The following ADARB2 variants were observed in gnomAD, a reference collection of about 807,000 sequenced individuals.
ADARB2 encodes the protein adenosine deaminase RNA specific B2 (inactive), also known as inactive double-stranded RNA-specific editase B2.
A neutral mutation model predicts 62.2 loss-of-function variants in ADARB2; 25 were observed. The ratio of observed to expected loss-of-function variants is 0.40; its 90% CI spans 0.29 to 0.56. The LOEUF (loss-of-function observed/expected upper bound fraction) is 0.56, where lower values mean the gene tolerates loss of function less well. Among genes scored for constraint, ADARB2 ranks in the 20% least tolerant of loss-of-function variants. ADARB2 has a pLI of 0.43. For synonymous variants in ADARB2, 572 were observed against 500.8 expected (o/e 1.14, Z -1.90); for missense variants, 1,071 against 1,077.4 (o/e 0.99, Z 0.08).
intron 3 of ADARB2, among the ~76,000 whole-genome samples, chr10:1,321,273 T>A (rs1332410293): frequency 6.6e-6 from 1 of 152,224 alleles, no homozygotes; most frequent in Non-Finnish European, 1.5e-5. Flanking sequence ...AAGCCCATGA[T>A]GTTGTCCTCA....
At chr10:1,266,125 T>C (rs1831197024) in intron 4 of ADARB2, among the ~76,000 whole-genome samples, 1 of 151,204 alleles carries the variant, frequency 6.6e-6, no homozygotes, top group Non-Finnish European at 1.5e-5. Context: ...CTGAGCCAGG[T>C]CCACGCTCTC....
At chr10:1,564,384 G>T (rs922653297) in intron 1 of ADARB2, among the ~76,000 whole-genome samples, 1 of 152,180 alleles carries the variant, frequency 6.6e-6, no homozygotes, top group African/African-American at 2.4e-5. Flanking sequence ...CAAAAGCAAT[G>T]GCAACAAAAG....
chr10:1,464,440 GTGCAC>G (rs1831222765), intron 1 of ADARB2, among the ~76,000 whole-genome samples: 3 of 115,476 alleles, frequency 2.6e-5, no homozygotes, highest in African/African-American at 9.6e-5. Context: ...ACAGCGGGCA[GTGCAC>G]CGGAGAAGAG....
chr10:1,270,240 C>T (rs1231231932), intron 4 of ADARB2, among the ~76,000 whole-genome samples: 10 of 152,132 alleles, frequency 6.6e-5, no homozygotes, highest in African/African-American at 1.9e-4. Flanking sequence ...GGTCTTTTTC[C>T]GCCTTAGATT....
At chr10:1,651,863 T>A (rs1271616859) in intron 1 of ADARB2, among the ~76,000 whole-genome samples, 1 of 152,044 alleles carries the variant, frequency 6.6e-6, no homozygotes, top group East Asian at 1.9e-4. Context: ...GACCCAGGGT[T>A]GGTTCCCAGT....
At chr10:1,617,206 G>C (rs111554205) in intron 1 of ADARB2, among the ~76,000 whole-genome samples, 125 of 124,770 alleles carry the variant, frequency 1.0e-3, no homozygotes, top group Middle Eastern at 6.1e-3. Flanking sequence ...TTGTGTGCCC[G>C]TCCAGACACA....
chr10:1,654,564 G>A (rs914410494), intron 1 of ADARB2, among the ~76,000 whole-genome samples: 2 of 152,208 alleles, frequency 1.3e-5, no homozygotes, highest in Non-Finnish European at 2.9e-5. Flanking sequence ...CAGGGTGGCA[G>A]TTCAGGGCTC....
At chr10:1,309,304 AC>A (rs1312670604) in intron 3 of ADARB2, among the ~76,000 whole-genome samples, 1 of 151,996 alleles carries the variant, frequency 6.6e-6, no homozygotes, top group Non-Finnish European at 1.5e-5. Flanking sequence ...GCGGATCCTG[AC>A]TCTTTGGTCT....
At chr10:1,685,873 T>TG (rs1252502146) in intron 1 of ADARB2, among the ~76,000 whole-genome samples, 1 of 152,056 alleles carries the variant, frequency 6.6e-6, no homozygotes. Flanking sequence ...AGCCCTCCAG[T>TG]GGGGGAGGCT....
intron 1 of ADARB2, among the ~76,000 whole-genome samples, chr10:1,638,494 C>T (rs542474636): frequency 1.4e-4 from 20 of 144,014 alleles, no homozygotes; most frequent in African/African-American, 4.2e-4. Context: ...TCTATTGTTC[C>T]ACTTTCATGA....
chr10:1,353,534 C>T (rs553601883), intron 3 of ADARB2, among the ~76,000 whole-genome samples: 80 of 152,210 alleles, frequency 5.3e-4, no homozygotes, highest in African/African-American at 1.9e-3. Flanking sequence ...AGACATTTCA[C>T]ATCAGCAAGC....
intron 3 of ADARB2, among the ~76,000 whole-genome samples, chr10:1,278,951 G>A (rs1017483772): frequency 6.6e-6 from 1 of 152,200 alleles, no homozygotes; most frequent in African/African-American, 2.4e-5. Context: ...ATGACTGCGT[G>A]TATGGATAAG....
rs921793464 is a variant in ADARB2 at position 1,327,779 on chromosome 10, C to T, written c.1077+35249G>A. The stretch of plus-strand genomic sequence containing the variant: ...ACAGCGCCTCCTCACAGCTCAGCGC[C>T]TCCCCACAGCACAGCGCCTCCTCAC... On this transcript the variant is annotated intron_variant, in intron 3 of 9. Coordinates refer to ENST00000381312, the MANE Select transcript of ADARB2 (RefSeq NM_018702.4). 2.7e-4 allele frequency among the ~76,000 whole-genome samples: 41 copies of T among 149,824 alleles called. 3 individuals carry two copies. The highest frequency in any genetic ancestry group is 2.5e-4 in the Non-Finnish European group (17 of 67,186).
chr10:1,328,360 G>GA (rs1224640112), intron 3 of ADARB2, among the ~76,000 whole-genome samples: 1 of 152,182 alleles, frequency 6.6e-6, no homozygotes, highest in Admixed American at 6.5e-5. Context: ...CATTGGCCTC[G>GA]AAGAAAGGCT....
At chr10:1,607,584 C>T (rs951086835) in intron 1 of ADARB2, among the ~76,000 whole-genome samples, 11 of 152,028 alleles carry the variant, frequency 7.2e-5, no homozygotes, top group East Asian at 3.9e-4. Context: ...CATGGAGGGA[C>T]GCCCTGACCC....
chr10:1,403,645 C>T (rs1328658604), intron 1 of ADARB2, among the ~76,000 whole-genome samples: 3 of 152,130 alleles, frequency 2.0e-5, no homozygotes, highest in Non-Finnish European at 4.4e-5. Flanking sequence ...GGGAGGGCAC[C>T]GTGGCCCCGG....
At chr10:1,422,101 C>A (rs1832856842) in intron 1 of ADARB2, among the ~76,000 whole-genome samples, 1 of 152,206 alleles carries the variant, frequency 6.6e-6, no homozygotes, top group Admixed American at 6.5e-5. Context: ...ATGGACATAT[C>A]CCTGGCAACA....
chr10:1,604,185 T>TA (rs1285212329), intron 1 of ADARB2, among the ~76,000 whole-genome samples: 1 of 152,164 alleles, frequency 6.6e-6, no homozygotes, highest in Non-Finnish European at 1.5e-5. Context: ...GAAAAATATA[T>TA]TTTTTTCAGC....
At chr10:1,689,094 T>C (rs1359603744) in intron 1 of ADARB2, among the ~76,000 whole-genome samples, 1 of 152,180 alleles carries the variant, frequency 6.6e-6, no homozygotes, top group African/African-American at 2.4e-5. Flanking sequence ...GAAAATATGC[T>C]GCAAGAAAGC....
Sources: gnomAD v4.1 joint callset for allele counts (sites outside exome capture counted in the v4.1 genomes callset) on GRCh38, gnomAD v4.1.1 for gene constraint, MANE v1.5 for transcripts, NCBI Gene and HGNC (gene_info 2026-07-23, HGNC 2026-07-21) for gene names.